Variants in CASK observed in about 807,000 individuals in gnomAD.
CASK encodes the protein calcium/calmodulin dependent serine protein kinase.
In CASK, 4 loss-of-function variants were observed where a neutral mutation model predicts 82.9. The observed-to-expected ratio is 0.05, with a 90% CI of 0.02 to 0.11. The LOEUF is 0.11. CASK is among the 10% of genes least tolerant of loss of function. The pLI is 1.00. For synonymous variants in CASK, 259 were observed against 253.5 expected (o/e 1.02, Z -0.20); for missense variants, 358 against 720.9 (o/e 0.50, Z 5.76).
At chrX:41,585,170 T>C in intron 14 of CASK, 1 of 112,630 alleles carries the variant, frequency 8.9e-6, no homozygotes, top group African/African-American at 3.2e-5. Flanking sequence ...CAAGATACCT[T>C]GATAAAAGAG....
chrX:41,556,236 AAAG>A (rs2065158567), intron 19 of CASK: 1 of 112,882 alleles, frequency 8.9e-6, no homozygotes, highest in African/African-American at 3.2e-5. Context: ...AAAAGTCAGG[AAAG>A]AAGAATACTG....
intron 21 of CASK, among the ~76,000 whole-genome samples, chrX:41,547,097 A>T (rs1301550790): frequency 9.5e-6 from 1 of 105,519 alleles, no homozygotes; most frequent in Non-Finnish European, 2.0e-5. Context: ...CGCTCAGCTA[A>T]TTTTTTTTGT....
chrX:41,710,081 TTG>T (rs57963407), intron 5 of CASK, among the ~76,000 whole-genome samples: 5,684 of 72,013 alleles, frequency 0.079, 184 homozygotes, highest in Non-Finnish European at 0.1. Context: ...GGTATAGATT[TTG>T]TGTGTGTGTG....
intron 2 of CASK, among the ~76,000 whole-genome samples, chrX:41,839,747 AC>A (rs1033940128): frequency 1.8e-5 from 2 of 111,449 alleles, no homozygotes; most frequent in African/African-American, 6.5e-5. Context: ...TTATGAAAAA[AC>A]TTATTGGAAA....
chrX:41,826,699 A>G (rs2070674570), intron 2 of CASK, among the ~76,000 whole-genome samples: 1 of 111,213 alleles, frequency 9.0e-6, no homozygotes, highest in African/African-American at 3.3e-5. Flanking sequence ...CTGGTCTCGA[A>G]CTCCTGACCT....
At chrX:41,639,576 T>C (rs1318287673) in intron 8 of CASK, among the ~76,000 whole-genome samples, 2 of 111,315 alleles carry the variant, frequency 1.8e-5, no homozygotes, top group African/African-American at 6.5e-5. Context: ...ATTTTTTTGT[T>C]TTCTCCAAAA....
intron 1 of CASK, among the ~76,000 whole-genome samples, chrX:41,899,037 T>C (rs1000873001): frequency 8.9e-6 from 1 of 111,981 alleles, no homozygotes; most frequent in African/African-American, 3.2e-5. Flanking sequence ...TATTATTGTA[T>C]TGCTATCTAC....
At chrX:41,921,860 C>T (rs2148113558) in intron 1 of CASK, among the ~76,000 whole-genome samples, 2 of 65,192 alleles carry the variant, frequency 3.1e-5, no homozygotes, top group East Asian at 4.5e-4. Flanking sequence ...GACAATAAAG[C>T]ACCGCTTCCA....
At chrX:41,918,644 A>T (rs962235083) in intron 1 of CASK, among the ~76,000 whole-genome samples, 29 of 112,579 alleles carry the variant, frequency 2.6e-4, no homozygotes, top group Non-Finnish European at 4.3e-4. Flanking sequence ...ACACAAGCTA[A>T]AACTAAATTT....
At chrX:41,565,779 C>T (rs2065304832) in intron 16 of CASK, among the ~76,000 whole-genome samples, 1 of 111,102 alleles carries the variant, frequency 9.0e-6, no homozygotes, top group Non-Finnish European at 1.9e-5. Flanking sequence ...AGAGACACAA[C>T]AAAAAAACAG....
chrX:41,830,623 A>C (rs1241911637), intron 2 of CASK, among the ~76,000 whole-genome samples: 2 of 107,720 alleles, frequency 1.9e-5, no homozygotes, highest in African/African-American at 3.4e-5. Flanking sequence ...GATCGAGACC[A>C]TCCTGGCTAA....
At chrX:41,840,713 GT>G (rs374212737) in intron 2 of CASK, among the ~76,000 whole-genome samples, 91 of 111,212 alleles carry the variant, frequency 8.2e-4, no homozygotes, top group African/African-American at 2.9e-3. Context: ...TAGCTGTAGG[GT>G]TTTTTTTGTA....
At chrX:41,855,815 A>G (rs2071357249) in intron 1 of CASK, among the ~76,000 whole-genome samples, 1 of 112,445 alleles carries the variant, frequency 8.9e-6, no homozygotes, top group Non-Finnish European at 1.9e-5. Context: ...GGAAAAAGAT[A>G]ATTGACAGCA....
rs149391508 is a variant in CASK at position 41,778,100 on chromosome X, C to T, written c.278+9078G>A. On this transcript the variant is annotated intron_variant, in intron 3 of 26. Coordinates refer to ENST00000378163, the MANE Select transcript of CASK (RefSeq NM_001367721.1). ...ATGCTTCCAATAGAAGGAAATGGTCCAAAATGTTTGTGAATGACATTTATT... is the reference window on the plus strand; with the variant it reads ...ATGCTTCCAATAGAAGGAAATGGTCTAAAATGTTTGTGAATGACATTTATT... Among the ~76,000 whole-genome samples the T allele has an allele frequency of 3.4e-4, 38 of 111,468 alleles. No homozygotes were observed. The East Asian group carries it at 0.01, about 30-fold the overall frequency.
intron 2 of CASK, among the ~76,000 whole-genome samples, chrX:41,798,664 G>A (rs767938390): frequency 8.9e-6 from 1 of 111,825 alleles, no homozygotes; most frequent in Non-Finnish European, 1.9e-5. Flanking sequence ...GTGAAACCCC[G>A]TCTCCACTAA....
chrX:41,913,827 G>A (rs1298321754), intron 1 of CASK, among the ~76,000 whole-genome samples: 1 of 112,010 alleles, frequency 8.9e-6, no homozygotes, highest in African/African-American at 3.2e-5. Flanking sequence ...TATAAATAAG[G>A]AGAAAATAGC....
intron 1 of CASK, among the ~76,000 whole-genome samples, chrX:41,864,973 A>G (rs778728265): frequency 1.8e-5 from 2 of 112,252 alleles, no homozygotes; most frequent in South Asian, 7.4e-4. Context: ...CATAAAGTAG[A>G]TGATCTGGAA....
rs958677925 is a variant in CASK, at chrX:41,530,996, C to T, written c.2520+11G>A. The T allele has an allele frequency of 3.3e-6, 4 of 1,200,899 alleles. No homozygotes were observed. Among genetic ancestry groups the T allele is most frequent in the Middle Eastern group, 2.4e-4 (1 of 4,243 alleles). Reference sequence around the variant, plus strand: ...GCAGGATGTCAGACATTCGGGGAGGCTGGGCATTACCTGAGGCTCCACGTC... The same window carrying T: ...GCAGGATGTCAGACATTCGGGGAGGTTGGGCATTACCTGAGGCTCCACGTC... On this transcript the variant is annotated intron_variant, in intron 25 of 26. Coordinates refer to ENST00000378163, the MANE Select transcript of CASK (RefSeq NM_001367721.1).
At chrX:41,576,220 GCCTCGT>G (rs1388779252) in intron 15 of CASK, among the ~76,000 whole-genome samples, 1 of 110,360 alleles carries the variant, frequency 9.1e-6, no homozygotes, top group Non-Finnish European at 1.9e-5. Flanking sequence ...TGATCCACCC[GCCTCGT>G]CCTCCCAAAG....
Sources: gnomAD v4.1 joint callset for allele counts (sites outside exome capture counted in the v4.1 genomes callset) on GRCh38, gnomAD v4.1.1 for gene constraint, MANE v1.5 for transcripts, NCBI Gene and HGNC (gene_info 2026-07-23, HGNC 2026-07-21) for gene names.